The following WIPI1 variants were observed in gnomAD, a reference collection of about 807,000 sequenced individuals.
WIPI1 encodes WD repeat domain phosphoinositide-interacting protein 1.
WIPI1 carries 45 observed loss-of-function variants against 55.3 expected under a neutral mutation model. That is an observed-to-expected ratio of 0.81 (90% confidence interval 0.64 to 1.04). The LOEUF (loss-of-function observed/expected upper bound fraction) is 1.04, where lower values mean the gene tolerates loss of function less well. Ranked by LOEUF, WIPI1 falls within the 50% of genes least tolerant of loss-of-function variation. The pLI, the probability that WIPI1 is intolerant of heterozygous loss-of-function variation, is 0.00. For missense variants in WIPI1, 445 were observed against 559.0 expected (o/e 0.80, Z 2.06); for synonymous variants, 195 against 217.6 (o/e 0.90, Z 0.92).
intron 3 of WIPI1, among the ~76,000 whole-genome samples, chr17:68,449,528 C>T (rs984361054): frequency 3.9e-5 from 6 of 152,184 alleles, no homozygotes; most frequent in Admixed American, 2.0e-4. Flanking sequence ...AGGAAGGTGG[C>T]AGAGTTCTTA....
chr17:68,431,882 A>C (rs2083545216), intron 8 of WIPI1, among the ~76,000 whole-genome samples: 1 of 113,776 alleles, frequency 8.8e-6, no homozygotes, highest in Admixed American at 9.4e-5. Context: ...AATAATCCCC[A>C]GTGGAGGCGG....
rs187759029 is a variant in WIPI1, at chr17:68,445,046, G to A, written c.334-457C>T. Among the ~76,000 whole-genome samples, 1,297 of 151,064 alleles carry A rather than the reference G, an allele frequency of 8.6e-3. 29 individuals are homozygous for A. Among genetic ancestry groups the A allele is most frequent in the Admixed American group, 0.049 (744 of 15,082 alleles). ...AACAATTCTCCTGCATCAGCCTCCT[G>A]AGTAGCTGGGATTACATGCATGCAC... On this transcript the variant is annotated intron_variant, in intron 3 of 12. Coordinates refer to ENST00000262139, the MANE Select transcript of WIPI1 (RefSeq NM_017983.7).
In WIPI1 at chr17:68,426,251, G is replaced by GGGGGGGGGGGGGA; in HGVS notation, c.1193-77_1193-76insTCCCCCCCCCCCC. 2.4e-6 allele frequency: 2 copies of GGGGGGGGGGGGGA among 825,460 alleles called. 1 individual carries two copies. Among genetic ancestry groups the GGGGGGGGGGGGGA allele is most frequent in the Admixed American group, 4.7e-5 (2 of 42,752 alleles). 51.1% of individuals were successfully genotyped at this position (825,460 alleles called of 1,614,324 possible). A position where few individuals can be genotyped will look rare whatever the true frequency, so the allele number is the denominator to read the frequency against. ...GCCATGACCTGGCGGGTGGGGAGCG[G>GGGGGGGGGGGGGA]GGGCTCAAATAAAGGGCAAAGGAAG... On this transcript the variant is annotated intron_variant, in intron 11 of 12. Transcript: ENST00000262139.
At chr17:68,426,424 G>A (rs558508878) in intron 11 of WIPI1, among the ~76,000 whole-genome samples, 2 of 152,200 alleles carry the variant, frequency 1.3e-5, no homozygotes, top group South Asian at 4.1e-4. Flanking sequence ...GTTGAGGTAG[G>A]GTCTCAGTAT....
chr17:68,450,267 G>C (rs1020694881), intron 3 of WIPI1, among the ~76,000 whole-genome samples: 1 of 152,208 alleles, frequency 6.6e-6, no homozygotes, highest in South Asian at 2.1e-4. Flanking sequence ...GGTGGGAGAA[G>C]GGCAGCTTTC....
chr17:68,448,745 G>A (rs114014854), intron 3 of WIPI1, among the ~76,000 whole-genome samples: 97 of 152,168 alleles, frequency 6.4e-4, no homozygotes, highest in African/African-American at 2.2e-3. Flanking sequence ...CCTTGTATAC[G>A]GATTACTACT....
At chr17:68,456,807 G>GT (rs1399736167) in intron 1 of WIPI1, among the ~76,000 whole-genome samples, 3 of 152,194 alleles carry the variant, frequency 2.0e-5, no homozygotes, top group African/African-American at 7.2e-5. Flanking sequence ...GGATGGGACA[G>GT]GGGCTGGCCT....
chr17:68,430,968 T>G (rs2083483579), intron 8 of WIPI1, among the ~76,000 whole-genome samples: 1 of 152,088 alleles, frequency 6.6e-6, no homozygotes, highest in East Asian at 1.9e-4. Flanking sequence ...TAGGGGGTCT[T>G]TGGACAAACC....
rs148938822 is a variant in WIPI1, at chr17:68,449,768, A to G, written c.333+960T>C. 2.0e-3 allele frequency among the ~76,000 whole-genome samples: 298 copies of G among 152,258 alleles called. 2 individuals are homozygous for G. The highest frequency in any genetic ancestry group is 6.6e-3 in the African/African-American group (274 of 41,548). On this transcript the variant is annotated intron_variant, in intron 3 of 12. Transcript: ENST00000262139. Reference sequence around the variant, plus strand: ...GCAGAACCTTGACCCAGTGAAACCTATTTTCTTTATAAATTACCCAATCTC... The same window carrying G: ...GCAGAACCTTGACCCAGTGAAACCTGTTTTCTTTATAAATTACCCAATCTC...
chr17:68,429,936 T>G (rs1467287250), intron 9 of WIPI1, 60 bp downstream of exon 9: 4 of 1,605,348 alleles, frequency 2.5e-6, no homozygotes, highest in Non-Finnish European at 3.4e-6. Flanking sequence ...ATTTTTGTGC[T>G]TTGGAAAAAT....
Position 68,430,143 on chromosome 17 carries a change from G to C in WIPI1, c.818C>G (p.Ser273Trp), listed in dbSNP as rs755242943. 1.2e-6 allele frequency: 2 copies of C among 1,613,420 alleles called. No individual in the cohort carries two copies. Among genetic ancestry groups the C allele is most frequent in the South Asian group, 1.1e-5 (1 of 91,028 alleles). The change falls in exon 9 of 13, where the codon TCG (serine) becomes TGG (tryptophan). Residue 273 changes from serine to tryptophan, a missense_variant. Coordinates refer to ENST00000262139, the MANE Select transcript of WIPI1 (RefSeq NM_017983.7). ...QVTNSRPEEP[S>W]TWSGYMGKMF... is the part of the protein sequence containing the mutation. The stretch of plus-strand genomic sequence containing the variant: ...CTTTCCCATGTAGCCACTCCAGGTC[G>C]AAGGCTCTTCTGGTCGACTAGGGAG...
chr17:68,433,717 C>A, intron 7 of WIPI1, 142 bp from the exon 8 acceptor site: 88 of 278,980 alleles, frequency 3.2e-4, no homozygotes, highest in Middle Eastern at 1.0e-3. Flanking sequence ...CTGTGGTGCT[C>A]ATATTTAGAA....
intron 3 of WIPI1, among the ~76,000 whole-genome samples, chr17:68,449,207 A>C (rs1223907869): frequency 6.6e-6 from 1 of 152,240 alleles, no homozygotes; most frequent in East Asian, 1.9e-4. Flanking sequence ...GGTCACATAA[A>C]GAATCTCTTT....
At chr17:68,422,068 T>C in intron 12 of WIPI1, 1 of 493,586 alleles carries the variant, frequency 2.0e-6, no homozygotes, top group South Asian at 2.6e-5. Context: ...TGTATTTATA[T>C]GTATATGTAT....
rs1300538658 is a variant in WIPI1 at position 68,428,941 on chromosome 17, G to T, written c.966-5C>A. 1.2e-6 allele frequency: 2 copies of T among 1,610,698 alleles called. No individual in the cohort carries two copies. Among genetic ancestry groups the T allele is most frequent in the South Asian group, 2.2e-5 (2 of 90,952 alleles). On this transcript the variant is annotated splice_polypyrimidine_tract_variant and splice_region_variant and intron_variant, in intron 9 of 12. Transcript: ENST00000262139. The stretch of plus-strand genomic sequence containing the variant: ...AGCCGTGGCAACTTCTGGATCCTAA[G>T]GGCCAAGGAAAACATAAACCGTGAT...
At chr17:68,441,266 G>A (rs2084064836) in intron 4 of WIPI1, among the ~76,000 whole-genome samples, 1 of 152,190 alleles carries the variant, frequency 6.6e-6, no homozygotes, top group Non-Finnish European at 1.5e-5. Flanking sequence ...CAACAGGAAC[G>A]GGCATGACAC....
At chr17:68,453,950 AT>A (rs2084584065) in intron 1 of WIPI1, among the ~76,000 whole-genome samples, 3 of 152,196 alleles carry the variant, frequency 2.0e-5, no homozygotes, top group African/African-American at 7.2e-5. Flanking sequence ...AAGTATTCTA[AT>A]GAGCAGCCCA....
At chr17:68,422,359 G>T (rs1280170292) in intron 12 of WIPI1, 3 of 155,076 alleles carry the variant, frequency 1.9e-5, no homozygotes, top group African/African-American at 4.9e-5. Flanking sequence ...AACCGGGGAG[G>T]TGGAGGCTGC....
chr17:68,451,888 CAT>C (rs1441216346), intron 2 of WIPI1, among the ~76,000 whole-genome samples: 5 of 152,336 alleles, frequency 3.3e-5, no homozygotes, highest in African/African-American at 1.2e-4. Context: ...ACATTCTTTT[CAT>C]ATGTGTGCCT....
Sources: gnomAD v4.1 joint callset for allele counts (sites outside exome capture counted in the v4.1 genomes callset) on GRCh38, gnomAD v4.1.1 for gene constraint, MANE v1.5 for transcripts, NCBI Gene and HGNC (gene_info 2026-07-23, HGNC 2026-07-21) for gene names.